APBB1IP: variants seen among roughly 807,000 people sequenced by gnomAD.
APBB1IP encodes the protein amyloid beta precursor protein binding family B member 1 interacting protein.
A neutral mutation model predicts 64.9 loss-of-function variants in APBB1IP; 27 were observed. That is an observed-to-expected ratio of 0.42 (90% CI 0.31 to 0.57). The LOEUF (loss-of-function observed/expected upper bound fraction) is 0.57, where lower values mean the gene tolerates loss of function less well. APBB1IP is among the 20% of genes least tolerant of loss of function. The pLI is 0.20. For missense variants in APBB1IP, 812 were observed against 845.5 expected (o/e 0.96, Z 0.49); for synonymous variants, 392 against 331.0 (o/e 1.18, Z -2.00).
chr10:26,464,585 T>C (rs1176865937), intron 2 of APBB1IP, among the ~76,000 whole-genome samples: 3 of 152,120 alleles, frequency 2.0e-5, no homozygotes, highest in Non-Finnish European at 4.4e-5. Flanking sequence ...TACTTGTATG[T>C]GTGTGTGGAG....
At chr10:26,452,417 A>G (rs1042053519) in intron 2 of APBB1IP, among the ~76,000 whole-genome samples, 4 of 152,242 alleles carry the variant, frequency 2.6e-5, no homozygotes, top group African/African-American at 9.6e-5. Context: ...TGCACATTAT[A>G]TTAGATGTGG....
intron 11 of APBB1IP, among the ~76,000 whole-genome samples, chr10:26,548,198 T>C (rs917466106): frequency 6.6e-6 from 1 of 152,214 alleles, no homozygotes; most frequent in African/African-American, 2.4e-5. Flanking sequence ...TTTTTTTTTA[T>C]TATTATACTT....
At chr10:26,497,280 A>G (rs1203731006) in intron 4 of APBB1IP, among the ~76,000 whole-genome samples, 4 of 152,216 alleles carry the variant, frequency 2.6e-5, no homozygotes, top group East Asian at 3.8e-4. Flanking sequence ...GGCCAGGCGC[A>G]GTGGCTCACG....
At chr10:26,505,926 G>A (rs1836169949) in intron 6 of APBB1IP, among the ~76,000 whole-genome samples, 1 of 152,080 alleles carries the variant, frequency 6.6e-6, no homozygotes, top group Non-Finnish European at 1.5e-5. Flanking sequence ...GTGGCCTCCA[G>A]TCCCTGCATG....
chr10:26,487,693 G>C (rs889967703), intron 2 of APBB1IP, among the ~76,000 whole-genome samples: 2 of 152,132 alleles, frequency 1.3e-5, no homozygotes, highest in African/African-American at 4.8e-5. Context: ...ATTCACTGTG[G>C]CACGTCATTA....
intron 2 of APBB1IP, among the ~76,000 whole-genome samples, chr10:26,443,066 A>T (rs1184711710): frequency 1.3e-5 from 2 of 151,704 alleles, no homozygotes; most frequent in East Asian, 3.8e-4. Flanking sequence ...AAATTGTGCT[A>T]TCTTAGACAT....
chr10:26,445,127 GAAAAGAAAGAAAGAAA>G (rs1835378838), intron 2 of APBB1IP, among the ~76,000 whole-genome samples: 2 of 47,308 alleles, frequency 4.2e-5, no homozygotes, highest in Admixed American at 2.7e-4. Flanking sequence ...AAGAAAGAAA[GAAAAGAAAGAAAGAAA>G]GAAAGAAAGA....
At chr10:26,442,190 G>T (rs1011057333) in intron 2 of APBB1IP, among the ~76,000 whole-genome samples, 1 of 152,154 alleles carries the variant, frequency 6.6e-6, no homozygotes, top group Admixed American at 6.5e-5. Flanking sequence ...CCAGGGTCAC[G>T]GGAGAAGGTT....
intron 14 of APBB1IP, among the ~76,000 whole-genome samples, chr10:26,566,416 G>A (rs1391118788): frequency 1.3e-5 from 2 of 152,074 alleles, no homozygotes; most frequent in African/African-American, 4.8e-5. Flanking sequence ...CACCATACCA[G>A]GCTAATTTTT....
intron 2 of APBB1IP, among the ~76,000 whole-genome samples, chr10:26,487,808 G>C (rs1401228531): frequency 6.6e-6 from 1 of 152,096 alleles, no homozygotes; most frequent in Non-Finnish European, 1.5e-5. Flanking sequence ...TTATTTTAGT[G>C]CTTTTCCAAA....
At chr10:26,513,892 C>T (rs1381856248) in intron 8 of APBB1IP, among the ~76,000 whole-genome samples, 3 of 152,132 alleles carry the variant, frequency 2.0e-5, no homozygotes, top group Non-Finnish European at 4.4e-5. Context: ...GCCACCAGGC[C>T]CAGCTAACTG....
intron 6 of APBB1IP, among the ~76,000 whole-genome samples, chr10:26,511,255 A>T (rs895094689): frequency 1.2e-4 from 18 of 152,106 alleles, no homozygotes; most frequent in African/African-American, 3.6e-4. Flanking sequence ...GAGACAAGAG[A>T]ATCACTCAAA....
At chr10:26,493,969 AG>A (rs902369934) in intron 3 of APBB1IP, among the ~76,000 whole-genome samples, 1 of 152,006 alleles carries the variant, frequency 6.6e-6, no homozygotes, top group African/African-American at 2.4e-5. Context: ...CCCAAGTAGC[AG>A]GGACTACAGG....
chr10:26,512,709 C>G (rs1836276245), intron 7 of APBB1IP, among the ~76,000 whole-genome samples: 1 of 152,080 alleles, frequency 6.6e-6, no homozygotes, highest in African/African-American at 2.4e-5. Flanking sequence ...TGGGCTCAAG[C>G]ACTCCTCCTG....
chr10:26,565,303 C>A (rs1381529512), intron 14 of APBB1IP, among the ~76,000 whole-genome samples: 1 of 152,192 alleles, frequency 6.6e-6, no homozygotes, highest in Non-Finnish European at 1.5e-5. Context: ...GCTTCACAAC[C>A]AGCTCAACTC....
intron 4 of APBB1IP, among the ~76,000 whole-genome samples, chr10:26,497,986 C>T (rs1836049014): frequency 6.6e-6 from 1 of 152,076 alleles, no homozygotes; most frequent in South Asian, 2.1e-4. Flanking sequence ...TTCAGCCTCC[C>T]AAAGTGCTGG....
At chr10:26,552,521 G>A (rs1325506923) in intron 11 of APBB1IP, among the ~76,000 whole-genome samples, 1 of 151,910 alleles carries the variant, frequency 6.6e-6, no homozygotes, top group East Asian at 1.9e-4. Context: ...ATTGCTTGAG[G>A]CCAGGAGTTT....
chr10:26,542,071 A>C (rs546974280), intron 11 of APBB1IP, among the ~76,000 whole-genome samples: 4 of 152,370 alleles, frequency 2.6e-5, no homozygotes, highest in African/African-American at 9.6e-5. Flanking sequence ...TATAGAAAAT[A>C]GCCAAAAAAA....
At chr10:26,552,550 A>C (rs902527686) in intron 11 of APBB1IP, among the ~76,000 whole-genome samples, 5 of 151,932 alleles carry the variant, frequency 3.3e-5, no homozygotes, top group Admixed American at 6.6e-5. Flanking sequence ...CGTGAGCCAC[A>C]GTCACACTGT....
Sources: allele counts gnomAD v4.1 joint callset (sites outside exome capture counted in the v4.1 genomes callset), GRCh38; gene constraint gnomAD v4.1.1; transcripts MANE v1.5; gene names NCBI Gene and HGNC (gene_info 2026-07-23, HGNC 2026-07-21).